The following MCTP1 variants were observed in gnomAD, a reference collection of about 807,000 sequenced individuals.
The protein encoded by MCTP1 is multiple C2 and transmembrane domain-containing protein 1.
In MCTP1, 69 loss-of-function variants were observed where a neutral mutation model predicts 120.6. That is an observed-to-expected ratio of 0.57 (90% CI 0.47 to 0.70). The LOEUF is 0.70. Ranked by LOEUF, MCTP1 falls within the 30% of genes least tolerant of loss-of-function variation. The pLI is 0.00. For synonymous variants in MCTP1, 529 were observed against 493.1 expected, an observed-to-expected ratio of 1.07 and a Z score of -0.96; for missense variants, 1,203 against 1,248.8, an observed-to-expected ratio of 0.96 and a Z score of 0.55.
chr5:95,099,837 G>A (rs1386334413), intron 1 of MCTP1, among the ~76,000 whole-genome samples: 56 of 148,314 alleles, frequency 3.8e-4, no homozygotes, highest in East Asian at 2.2e-3. Flanking sequence ...TGTTTATTGC[G>A]GCACTATTCA....
intron 1 of MCTP1, among the ~76,000 whole-genome samples, chr5:95,248,496 A>C (rs2152693148): frequency 6.6e-6 from 1 of 152,270 alleles, no homozygotes; most frequent in South Asian, 2.1e-4. Flanking sequence ...AGAACTACAA[A>C]CCACTGCTCA....
intron 1 of MCTP1, among the ~76,000 whole-genome samples, chr5:95,219,034 A>G (rs2152598229): frequency 6.6e-6 from 1 of 152,282 alleles, no homozygotes. Context: ...TTTTATAGTT[A>G]CCATCTATTT....
intron 2 of MCTP1, among the ~76,000 whole-genome samples, chr5:94,990,806 A>G (rs1296327965): frequency 6.6e-6 from 1 of 152,098 alleles, no homozygotes; most frequent in Non-Finnish European, 1.5e-5. Flanking sequence ...ATTACATCCA[A>G]TTTTCCAGAC....
At chr5:95,081,933 T>C in intron 1 of MCTP1, 1 of 598,022 alleles carries the variant, frequency 1.7e-6, no homozygotes, top group Non-Finnish European at 2.1e-6. Flanking sequence ...GCTTGTTCTC[T>C]GCAGTGAATT....
At chr5:94,966,342 A>T (rs1038895719) in intron 2 of MCTP1, among the ~76,000 whole-genome samples, 5 of 152,206 alleles carry the variant, frequency 3.3e-5, no homozygotes, top group African/African-American at 1.2e-4. Context: ...TTGTTGCAAT[A>T]CTACGTATAA....
intron 1 of MCTP1, among the ~76,000 whole-genome samples, chr5:95,227,465 G>T (rs940012294): frequency 6.6e-6 from 1 of 152,150 alleles, no homozygotes; most frequent in Non-Finnish European, 1.5e-5. Flanking sequence ...AACCTAAACA[G>T]CCTTCAGAAT....
At chr5:95,009,056 A>AAGAGAGAGAGAGAGAG (rs201724037) in intron 2 of MCTP1, among the ~76,000 whole-genome samples, 6 of 129,560 alleles carry the variant, frequency 4.6e-5, no homozygotes, top group African/African-American at 1.7e-4. Flanking sequence ...GAGAGGGAGA[A>AAGAGAGAGAGAGAGAG]AGAGAGAGAG....
intron 1 of MCTP1, among the ~76,000 whole-genome samples, chr5:95,080,547 G>A (rs892746524): frequency 1.3e-5 from 2 of 152,062 alleles, no homozygotes; most frequent in East Asian, 1.9e-4. Context: ...TATAGCTCTC[G>A]AAATCAAATT....
intron 1 of MCTP1, among the ~76,000 whole-genome samples, chr5:95,047,776 C>T (rs1207159386): frequency 6.6e-6 from 1 of 151,836 alleles, no homozygotes; most frequent in African/African-American, 2.4e-5. Flanking sequence ...CCCCTTTCTC[C>T]CACCCTCTAC....
intron 17 of MCTP1, among the ~76,000 whole-genome samples, chr5:94,828,879 G>A (rs1787852494): frequency 6.6e-6 from 1 of 152,154 alleles, no homozygotes; most frequent in Non-Finnish European, 1.5e-5. Context: ...TTAGCTTACT[G>A]GTCTCCGTGG....
intron 17 of MCTP1, among the ~76,000 whole-genome samples, chr5:94,828,144 C>T (rs1226166949): frequency 1.3e-5 from 2 of 151,984 alleles, no homozygotes; most frequent in East Asian, 1.9e-4. Flanking sequence ...GGAGTTTTTG[C>T]GTGGTCATCC....
intron 1 of MCTP1, among the ~76,000 whole-genome samples, chr5:95,162,381 T>C (rs2152477892): frequency 6.6e-6 from 1 of 152,290 alleles, no homozygotes; most frequent in Admixed American, 6.5e-5. Context: ...ACTTCTTTGT[T>C]GGCCTTAACT....
At chr5:95,261,909 A>G (rs1467344301) in intron 1 of MCTP1, among the ~76,000 whole-genome samples, 1 of 152,268 alleles carries the variant, frequency 6.6e-6, no homozygotes, top group Non-Finnish European at 1.5e-5. Context: ...GGCCTCCTTC[A>G]GTCCTACAGG....
chr5:95,029,468 T>G (rs1839893091), intron 1 of MCTP1, among the ~76,000 whole-genome samples: 1 of 152,182 alleles, frequency 6.6e-6, no homozygotes. Context: ...TTAAAGTGAC[T>G]GTGAATAGAC....
chr5:94,807,823 C>G (rs1782673076), intron 17 of MCTP1, among the ~76,000 whole-genome samples: 1 of 152,090 alleles, frequency 6.6e-6, no homozygotes, highest in Admixed American at 6.6e-5. Context: ...AAGCACTCCT[C>G]TTTGAGAAAA....
chr5:95,237,596 G>A (rs1396283497), intron 1 of MCTP1, among the ~76,000 whole-genome samples: 1 of 152,162 alleles, frequency 6.6e-6, no homozygotes, highest in Non-Finnish European at 1.5e-5. Flanking sequence ...AGAGTTGAAA[G>A]GGAGAGAAAG....
At chr5:95,003,479 C>A (rs114237015) in intron 2 of MCTP1, among the ~76,000 whole-genome samples, 2,374 of 152,308 alleles carry the variant, frequency 0.016, 54 homozygotes, top group African/African-American at 0.052. Context: ...CACCTATTAA[C>A]ATATTTCTCA....
intron 2 of MCTP1, among the ~76,000 whole-genome samples, chr5:95,005,345 G>C (rs1436881843): frequency 2.0e-5 from 3 of 152,116 alleles, no homozygotes; most frequent in Non-Finnish European, 4.4e-5. Flanking sequence ...TTGAGTTAAT[G>C]CTGTAATGAG....
At chr5:94,870,785 T>C in intron 15 of MCTP1, 87 bp downstream of exon 15, 1 of 959,444 alleles carries the variant, frequency 1.0e-6, no homozygotes, top group South Asian at 1.4e-5. Context: ...AAATGAGGAA[T>C]GACAGAAATT....
Sources: gnomAD v4.1 joint callset for allele counts (sites outside exome capture counted in the v4.1 genomes callset) on GRCh38, gnomAD v4.1.1 for gene constraint, MANE v1.5 for transcripts, NCBI Gene and HGNC (gene_info 2026-07-23, HGNC 2026-07-21) for gene names.